C3orf49: variants seen among roughly 807,000 people sequenced by gnomAD.
C3orf49 encodes putative uncharacterized protein C3orf49.
Under a neutral mutation model 13.3 loss-of-function variants are expected in C3orf49, and 27 were observed. The observed-to-expected ratio is 2.02, with a 90% CI of 1.49 to 2.79. C3orf49 has a LOEUF of 2.79. Ranked by LOEUF, C3orf49 falls within the 30% of genes most tolerant of loss-of-function variation. The pLI, the probability that C3orf49 is intolerant of heterozygous loss-of-function variation, is 0.00. For synonymous variants in C3orf49, 87 were observed against 47.6 expected (o/e 1.83, Z -3.40); for missense variants, 242 against 134.2 (o/e 1.80, Z -3.97).
chr3:63,815,762 C>A (rs1575793264), upstream of C3orf49, among the ~76,000 whole-genome samples: 1 of 145,370 alleles, frequency 6.9e-6, no homozygotes, highest in Non-Finnish European at 1.5e-5. Flanking sequence ...TTTTTCTTTT[C>A]TTTTCTTTCT....
the C3orf49 span, among the ~76,000 whole-genome samples, chr3:63,809,623 A>G: frequency 6.6e-6 from 1 of 152,064 alleles, no homozygotes; most frequent in Non-Finnish European, 1.5e-5. Context: ...GCCCTTCGTT[A>G]TCTATCTGGC....
At chr3:63,823,122 CTTCAAT>C (rs1701419741) in intron 1 of C3orf49, 122 bp from the exon 2 acceptor site, 1 of 574,652 alleles carries the variant, frequency 1.7e-6, no homozygotes, top group African/African-American at 1.9e-5. Context: ...GATTCTTGGT[CTTCAAT>C]TTCATTTTTT....
intron 5 of C3orf49, 50 bp from the exon 6 acceptor site, chr3:63,844,968 CATAAA>C: frequency 1.5e-6 from 1 of 649,856 alleles, no homozygotes. Context: ...AGTCTAGAAT[CATAAA>C]TAAAGACAAT....
chr3:63,787,535 C>G, the C3orf49 span, among the ~76,000 whole-genome samples: 8 of 152,032 alleles, frequency 5.3e-5, no homozygotes, highest in Non-Finnish European at 7.4e-5. Context: ...AATTCAATAC[C>G]CTTTTTTAAA....
chr3:63,792,275 C>G, the C3orf49 span, among the ~76,000 whole-genome samples: 5 of 152,178 alleles, frequency 3.3e-5, no homozygotes, highest in Non-Finnish European at 5.9e-5. Flanking sequence ...CTCCAAATAC[C>G]TGACTTTCAC....
the C3orf49 span, among the ~76,000 whole-genome samples, chr3:63,810,905 G>T: frequency 2.6e-5 from 4 of 152,272 alleles, no homozygotes; most frequent in African/African-American, 9.6e-5. Context: ...GGAGTGCAGT[G>T]GTGCGATCTC....
the C3orf49 span, among the ~76,000 whole-genome samples, chr3:63,797,422 C>T: frequency 6.6e-6 from 1 of 152,084 alleles, no homozygotes; most frequent in Non-Finnish European, 1.5e-5. Flanking sequence ...CTTCTCTTCC[C>T]TCTCCCAGAG....
the C3orf49 span, among the ~76,000 whole-genome samples, chr3:63,785,064 T>TC: frequency 8.8e-6 from 1 of 113,406 alleles, no homozygotes; most frequent in East Asian, 2.9e-4. Context: ...CTCTTCTTCT[T>TC]CTTTTTTTTT....
At chr3:63,823,173 T>G in intron 1 of C3orf49, 77 bp from the exon 2 acceptor site, 1 of 595,446 alleles carries the variant, frequency 1.7e-6, no homozygotes, top group South Asian at 2.1e-5. Context: ...ACATTTGAAG[T>G]TTGTGTTTTA....
At chr3:63,795,180 A>G in the C3orf49 span, among the ~76,000 whole-genome samples, 5 of 152,090 alleles carry the variant, frequency 3.3e-5, no homozygotes, top group Non-Finnish European at 7.4e-5. Flanking sequence ...TAGGAATGTG[A>G]CCTTTTTAAC....
At chr3:63,788,853 C>T in the C3orf49 span, among the ~76,000 whole-genome samples, 1 of 152,148 alleles carries the variant, frequency 6.6e-6, no homozygotes, top group Non-Finnish European at 1.5e-5. Flanking sequence ...CCGTGCTCTT[C>T]TGCTGATATA....
At chr3:63,808,882 C>T in the C3orf49 span, among the ~76,000 whole-genome samples, 1 of 152,188 alleles carries the variant, frequency 6.6e-6, no homozygotes, top group Admixed American at 6.5e-5. Flanking sequence ...CCCTTTCACT[C>T]TTACCATTTC....
intron 5 of C3orf49, among the ~76,000 whole-genome samples, chr3:63,843,403 C>G (rs1192628032): frequency 6.6e-6 from 1 of 152,090 alleles, no homozygotes; most frequent in African/African-American, 2.4e-5. Flanking sequence ...CAGGCATGAG[C>G]CACTGTGCCA....
the C3orf49 span, among the ~76,000 whole-genome samples, chr3:63,781,204 A>C: frequency 4.6e-5 from 7 of 150,896 alleles, no homozygotes; most frequent in African/African-American, 1.5e-4. Context: ...AGCTTTCTAC[A>C]TATGGCTAGC....
At chr3:63,803,227 C>G in the C3orf49 span, among the ~76,000 whole-genome samples, 1 of 152,154 alleles carries the variant, frequency 6.6e-6, no homozygotes. Flanking sequence ...ATCCCCAATT[C>G]TTAATATTTT....
chr3:63,832,589 G>A (rs1657628737), intron 5 of C3orf49, among the ~76,000 whole-genome samples: 1 of 152,042 alleles, frequency 6.6e-6, no homozygotes, highest in African/African-American at 2.4e-5. Context: ...TTAAGCCTGG[G>A]AGGTCAAGGC....
the C3orf49 span, among the ~76,000 whole-genome samples, chr3:63,796,548 G>A: frequency 1.3e-5 from 2 of 152,036 alleles, no homozygotes; most frequent in Admixed American, 6.6e-5. Flanking sequence ...TTTCTTCCTC[G>A]GGGCCTTTGT....
Position 63,819,572 on chromosome 3 carries a change from C to T in C3orf49, c.101C>T (p.Ser34Leu). Reference sequence around the variant, plus strand: ...CAGCAACTCAAGAAGAAAAATGGCTCATTCAAAAGGAAGGGGATAGAAAGG... The same window carrying T: ...CAGCAACTCAAGAAGAAAAATGGCTTATTCAAAAGGAAGGGGATAGAAAGG... ...RFQQLKKKNGSFKRKGIERWH... is the reference protein window; with the variant it reads ...RFQQLKKKNGLFKRKGIERWH... The change falls in exon 1 of 7, where the codon TCA (serine) becomes TTA (leucine). Residue 34 changes from serine (S) to leucine (L), a missense_variant. Coordinates refer to ENST00000295896, the MANE Select transcript of C3orf49 (RefSeq NM_001355236.2). 2.8e-6 allele frequency: 2 copies of T among 703,436 alleles called. No homozygotes were observed. The highest frequency in any genetic ancestry group is 5.2e-6 in the Non-Finnish European group (2 of 385,044). The allele number at this position is 703,436 out of a possible 1,614,324, so 43.6% of individuals were successfully genotyped here. A position where few individuals can be genotyped will look rare whatever the true frequency, so the allele number is the denominator to read the frequency against.
chr3:63,782,273 T>A, the C3orf49 span, among the ~76,000 whole-genome samples: 18 of 152,192 alleles, frequency 1.2e-4, no homozygotes, highest in Non-Finnish European at 8.8e-5. Flanking sequence ...AAACCCTTTT[T>A]AAAAAATCTT....
Sources: gnomAD v4.1 joint callset for allele counts (sites outside exome capture counted in the v4.1 genomes callset) on GRCh38, gnomAD v4.1.1 for gene constraint, MANE v1.5 for transcripts, NCBI Gene and HGNC (gene_info 2026-07-23, HGNC 2026-07-21) for gene names.